Variants in ADGRL2 observed in about 807,000 individuals in gnomAD.
The protein encoded by ADGRL2 is adhesion G protein-coupled receptor L2.
Under a neutral mutation model 157.4 loss-of-function variants are expected in ADGRL2, and 44 were observed. That is an observed-to-expected ratio of 0.28 (90% CI 0.22 to 0.36). ADGRL2 has a LOEUF of 0.36. ADGRL2 is among the 10% of genes least tolerant of loss of function. ADGRL2 has a pLI of 1.00. For missense variants in ADGRL2, 1,510 were observed against 1,768.9 expected (o/e 0.85, Z 2.63); for synonymous variants, 585 against 624.7 (o/e 0.94, Z 0.95).
At chr1:81,645,396 CAAAAAA>C (rs374061248) in intron 3 of ADGRL2, among the ~76,000 whole-genome samples, 18 of 94,834 alleles carry the variant, frequency 1.9e-4, no homozygotes, top group East Asian at 8.1e-4. Context: ...GATCCTGTCT[CAAAAAA>C]AAAAAAAAAA....
intron 3 of ADGRL2, among the ~76,000 whole-genome samples, chr1:81,658,642 CCT>C (rs1402375114): frequency 2.6e-5 from 4 of 152,084 alleles, no homozygotes; most frequent in Non-Finnish European, 4.4e-5. Flanking sequence ...TATTTAACTC[CCT>C]CTTATAAGTG....
At chr1:81,537,274 T>A (rs114210466) in intron 2 of ADGRL2, among the ~76,000 whole-genome samples, 2,445 of 152,218 alleles carry the variant, frequency 0.016, 69 homozygotes, top group African/African-American at 0.055. Flanking sequence ...GACTATTTCT[T>A]TTTTTTGTTT....
chr1:81,480,857 T>G (rs1456425909), intron 2 of ADGRL2, among the ~76,000 whole-genome samples: 2 of 152,174 alleles, frequency 1.3e-5, no homozygotes, highest in Non-Finnish European at 2.9e-5. Flanking sequence ...TATGCTGTGT[T>G]AAAATAATTT....
intron 2 of ADGRL2, among the ~76,000 whole-genome samples, chr1:81,869,735 T>C (rs1049069310): frequency 2.1e-4 from 32 of 152,088 alleles, no homozygotes; most frequent in African/African-American, 7.5e-4. Context: ...TGACTCAGAA[T>C]TGAGTAATAT....
chr1:81,987,148 A>G, intron 22 of ADGRL2, 119 bp downstream of exon 22: 2 of 1,388,074 alleles, frequency 1.4e-6, no homozygotes, highest in Non-Finnish European at 2.0e-6. Flanking sequence ...TTAATTTCTC[A>G]GTTAAAAAAA....
At chr1:81,531,880 A>T (rs144875211) in intron 2 of ADGRL2, among the ~76,000 whole-genome samples, 1 of 152,190 alleles carries the variant, frequency 6.6e-6, no homozygotes, top group African/African-American at 2.4e-5. Context: ...TTAAATTTTT[A>T]TATACTTTAG....
intron 1 of ADGRL2, among the ~76,000 whole-genome samples, chr1:81,397,867 G>C (rs575280879): frequency 6.6e-6 from 1 of 152,090 alleles, no homozygotes; most frequent in Non-Finnish European, 1.5e-5. Context: ...AAGGTTTCTT[G>C]GTTGATTTTT....
upstream of ADGRL2, chr1:81,699,641 C>A (rs1035558927): frequency 6.6e-6 from 1 of 152,114 alleles, no homozygotes; most frequent in African/African-American, 2.4e-5. Flanking sequence ...AAATTCCTGA[C>A]GAAACACAGA....
At chr1:81,359,254 T>C (rs1026419297) in intron 1 of ADGRL2, among the ~76,000 whole-genome samples, 1 of 152,062 alleles carries the variant, frequency 6.6e-6, no homozygotes, top group African/African-American at 2.4e-5. Flanking sequence ...ATTTGATTAC[T>C]TCATTCTGAT....
At chr1:81,900,391 A>T (rs1208564472) in intron 2 of ADGRL2, among the ~76,000 whole-genome samples, 4 of 152,120 alleles carry the variant, frequency 2.6e-5, no homozygotes, top group African/African-American at 9.7e-5. Context: ...CTTACTCCTT[A>T]ACTATGTCAT....
intron 1 of ADGRL2, among the ~76,000 whole-genome samples, chr1:81,434,032 C>T (rs1298833496): frequency 6.6e-6 from 1 of 152,192 alleles, no homozygotes; most frequent in Non-Finnish European, 1.5e-5. Flanking sequence ...AAGAACAAGG[C>T]AATGTTGCCA....
intron 3 of ADGRL2, among the ~76,000 whole-genome samples, chr1:81,664,642 G>A (rs971811184): frequency 1.3e-5 from 2 of 152,160 alleles, no homozygotes; most frequent in East Asian, 1.9e-4. Flanking sequence ...AAGAACACAC[G>A]CTGAAGTTTC....
At chr1:81,670,289 G>A (rs376120518) in intron 3 of ADGRL2, among the ~76,000 whole-genome samples, 6 of 152,138 alleles carry the variant, frequency 3.9e-5, no homozygotes, top group East Asian at 3.9e-4. Flanking sequence ...TTGCTATTTC[G>A]TTATGGAGTG....
chr1:81,458,936 G>A (rs990288590), intron 2 of ADGRL2, among the ~76,000 whole-genome samples: 5 of 152,098 alleles, frequency 3.3e-5, no homozygotes, highest in South Asian at 2.1e-4. Context: ...TAAGGTATAC[G>A]GACACTGGAG....
At chr1:81,361,659 G>C (rs1366537767) in intron 1 of ADGRL2, among the ~76,000 whole-genome samples, 1 of 151,934 alleles carries the variant, frequency 6.6e-6, no homozygotes, top group Non-Finnish European at 1.5e-5. Context: ...AATCTGCTTT[G>C]ACAATCTGAT....
chr1:81,660,968 G>T (rs1046740217), intron 3 of ADGRL2, among the ~76,000 whole-genome samples: 5 of 152,154 alleles, frequency 3.3e-5, no homozygotes, highest in Admixed American at 1.3e-4. Context: ...TTCTGAAATC[G>T]TTAGCAAATC....
intron 3 of ADGRL2, among the ~76,000 whole-genome samples, chr1:81,683,301 AT>A (rs1034662218): frequency 2.6e-5 from 4 of 152,014 alleles, no homozygotes; most frequent in East Asian, 1.9e-4. Flanking sequence ...TTCAAATACT[AT>A]TTTTTTTCCA....
intron 2 of ADGRL2, among the ~76,000 whole-genome samples, chr1:81,790,101 T>C (rs1469669192): frequency 6.6e-6 from 1 of 152,234 alleles, no homozygotes; most frequent in Non-Finnish European, 1.5e-5. Context: ...GACACATCTT[T>C]AACTCATCTA....
intron 2 of ADGRL2, among the ~76,000 whole-genome samples, chr1:81,528,618 G>A (rs148002522): frequency 0.02 from 2,741 of 136,302 alleles, 85 homozygotes; most frequent in African/African-American, 0.073. Flanking sequence ...CTGCAGTCCG[G>A]CCTGGGCAAA....
Sources: gnomAD v4.1 joint callset for allele counts (sites outside exome capture counted in the v4.1 genomes callset) on GRCh38, gnomAD v4.1.1 for gene constraint, MANE v1.5 for transcripts, NCBI Gene and HGNC (gene_info 2026-07-23, HGNC 2026-07-21) for gene names.